The following FGD4 variants were observed in gnomAD, a reference collection of about 807,000 sequenced individuals.
FGD4 encodes the protein FYVE, RhoGEF and PH domain-containing protein 4.
Under a neutral mutation model 102.0 loss-of-function variants are expected in FGD4, and 42 were observed. The ratio of observed to expected loss-of-function variants is 0.41; its 90% CI spans 0.32 to 0.53. The LOEUF is 0.53. FGD4 is among the 20% of genes least tolerant of loss of function. The pLI is 0.21. For synonymous variants in FGD4, 380 were observed against 375.7 expected, an observed-to-expected ratio of 1.01 and a Z score of -0.13; for missense variants, 902 against 1,078.2, an observed-to-expected ratio of 0.84 and a Z score of 2.29.
At chr12:32,526,830 C>T (rs114847531) in intron 1 of FGD4, among the ~76,000 whole-genome samples, 1,656 of 152,316 alleles carry the variant, frequency 0.011, 27 homozygotes, top group African/African-American at 0.037. Flanking sequence ...GCCTTAAAAG[C>T]TGTAACACTC....
chr12:32,411,287 T>C (rs1298395519), intron 1 of FGD4, among the ~76,000 whole-genome samples: 1 of 151,614 alleles, frequency 6.6e-6, no homozygotes, highest in Non-Finnish European at 1.5e-5. Context: ...CTGTAATCCC[T>C]GCACTTTGGG....
intron 1 of FGD4, among the ~76,000 whole-genome samples, chr12:32,540,464 G>A (rs1233318117): frequency 6.6e-6 from 1 of 152,146 alleles, no homozygotes; most frequent in African/African-American, 2.4e-5. Context: ...CAGGAATGGA[G>A]AAGATGAGAA....
intron 15 of FGD4, among the ~76,000 whole-genome samples, chr12:32,635,011 T>TC (rs1950717054): frequency 6.6e-6 from 1 of 152,004 alleles, no homozygotes; most frequent in African/African-American, 2.4e-5. Context: ...CTCTAAAGAA[T>TC]CAGTAAGTAT....
chr12:32,566,067 G>GT (rs1370750534), intron 2 of FGD4, among the ~76,000 whole-genome samples: 1 of 152,166 alleles, frequency 6.6e-6, no homozygotes, highest in Non-Finnish European at 1.5e-5. Flanking sequence ...AGTTCTCACA[G>GT]TTTTGTGATC....
chr12:32,582,274 C>A lies in FGD4; in HGVS notation c.818C>A (p.Ala273Asp). 6.2e-7 allele frequency: 1 copy of A among 1,614,234 alleles called. No individual in the cohort carries two copies. Among genetic ancestry groups the A allele is most frequent in the Non-Finnish European group, 8.5e-7 (1 of 1,180,040 alleles). The change falls in exon 4 of 17, where the codon GCC becomes GAC. Residue 273 changes from alanine (A) to aspartate (D), a missense_variant. By Grantham distance (126) the Ala-to-Asp change is moderately radical. Coordinates refer to ENST00000534526, the MANE Select transcript of FGD4 (RefSeq NM_001370298.3). ...GTGAATGGAGAAAGAGATGAAACTG[C>A]CACAGCTCCTGCATCACCCACAACA... The part of the protein sequence containing the change: ...HIVNGERDET[A>D]TAPASPTTDS...
At chr12:32,520,416 C>T (rs1940381410) in intron 1 of FGD4, among the ~76,000 whole-genome samples, 3 of 141,134 alleles carry the variant, frequency 2.1e-5, no homozygotes, top group Admixed American at 7.2e-5. Context: ...ATTTTAAGTT[C>T]TATTGTGGGT....
At chr12:32,473,634 C>T (rs1289811946) in intron 1 of FGD4, among the ~76,000 whole-genome samples, 1 of 152,132 alleles carries the variant, frequency 6.6e-6, no homozygotes, top group Non-Finnish European at 1.5e-5. Context: ...GACCAAGAAC[C>T]CACCAATTCC....
intron 1 of FGD4, among the ~76,000 whole-genome samples, chr12:32,449,039 G>A (rs1942698994): frequency 6.6e-6 from 1 of 152,132 alleles, no homozygotes; most frequent in African/African-American, 2.4e-5. Context: ...CTGAGAAACT[G>A]AGATATCAAA....
At chr12:32,541,098 T>A (rs989273287) in intron 1 of FGD4, among the ~76,000 whole-genome samples, 3 of 152,208 alleles carry the variant, frequency 2.0e-5, no homozygotes, top group Non-Finnish European at 4.4e-5. Context: ...TTTGATTAAC[T>A]GGTTCATTTT....
intron 1 of FGD4, among the ~76,000 whole-genome samples, chr12:32,446,701 A>G (rs1213987453): frequency 6.6e-6 from 1 of 152,172 alleles, no homozygotes. Flanking sequence ...TTGGAGTAGC[A>G]TGTCCTGAGC....
intron 4 of FGD4, among the ~76,000 whole-genome samples, chr12:32,594,600 G>T (rs936079932): frequency 1.3e-5 from 2 of 152,092 alleles, no homozygotes; most frequent in Non-Finnish European, 2.9e-5. Context: ...GTCTTCCACA[G>T]AACCGGTCCC....
At chr12:32,513,121 C>A (rs1458120438) in intron 1 of FGD4, among the ~76,000 whole-genome samples, 1 of 152,138 alleles carries the variant, frequency 6.6e-6, no homozygotes, top group South Asian at 2.1e-4. Context: ...AAGGTACATG[C>A]AAAGTGCTGT....
At chr12:32,590,383 T>C (rs1947377429) in intron 4 of FGD4, among the ~76,000 whole-genome samples, 1 of 151,952 alleles carries the variant, frequency 6.6e-6, no homozygotes, top group Non-Finnish European at 1.5e-5. Flanking sequence ...CTCTCTCTCT[T>C]TTTAATAATG....
chr12:32,511,245 A>G (rs898684737), intron 1 of FGD4: 2 of 152,232 alleles, frequency 1.3e-5, no homozygotes, highest in African/African-American at 4.8e-5. Context: ...GGAAGCAACC[A>G]TGGTAAATCT....
chr12:32,448,938 T>C (rs1942696690), intron 1 of FGD4, among the ~76,000 whole-genome samples: 1 of 152,202 alleles, frequency 6.6e-6, no homozygotes, highest in South Asian at 2.1e-4. Context: ...AAAACCTTCG[T>C]TCCACTAAGT....
intron 1 of FGD4, among the ~76,000 whole-genome samples, chr12:32,516,503 C>T (rs1939897845): frequency 6.6e-6 from 1 of 152,062 alleles, no homozygotes; most frequent in Non-Finnish European, 1.5e-5. Flanking sequence ...CTTTGAGTAT[C>T]CATGGACTTT....
chr12:32,451,665 G>A (rs376857796), intron 1 of FGD4, among the ~76,000 whole-genome samples: 2 of 151,616 alleles, frequency 1.3e-5, no homozygotes, highest in Admixed American at 6.6e-5. Context: ...GGAGGGATTT[G>A]GAAGGCCGAG....
At chr12:32,449,928 T>A (rs1042083639) in intron 1 of FGD4, among the ~76,000 whole-genome samples, 2 of 150,242 alleles carry the variant, frequency 1.3e-5, no homozygotes, top group African/African-American at 4.9e-5. Context: ...TATTTTTTTT[T>A]ATTTTATTTA....
At chr12:32,539,298 G>C (rs148703824) in intron 1 of FGD4, among the ~76,000 whole-genome samples, 32 of 151,668 alleles carry the variant, frequency 2.1e-4, no homozygotes, top group African/African-American at 7.0e-4. Flanking sequence ...GGCCAGGTGC[G>C]GTGGCTCACA....
Sources: allele counts gnomAD v4.1 joint callset (sites outside exome capture counted in the v4.1 genomes callset), GRCh38; gene constraint gnomAD v4.1.1; transcripts MANE v1.5; gene names NCBI Gene and HGNC (gene_info 2026-07-23, HGNC 2026-07-21).